Variants in CCSER1 observed in about 807,000 individuals in gnomAD.
CCSER1 encodes serine-rich coiled-coil domain-containing protein 1.
A neutral mutation model predicts 82.0 loss-of-function variants in CCSER1; 41 were observed. The ratio of observed to expected loss-of-function variants is 0.50; its 90% CI spans 0.39 to 0.65. The LOEUF (loss-of-function observed/expected upper bound fraction) is 0.65, where lower values mean the gene tolerates loss of function less well. Among genes scored for constraint, CCSER1 ranks in the 30% least tolerant of loss-of-function variants. CCSER1 has a pLI of 0.00. For synonymous variants in CCSER1, 414 were observed against 383.9 expected (o/e 1.08, Z -0.92); for missense variants, 1,119 against 1,064.2 (o/e 1.05, Z -0.72).
At chr4:91,248,118 A>G (rs757342295) in intron 10 of CCSER1, among the ~76,000 whole-genome samples, 3 of 152,230 alleles carry the variant, frequency 2.0e-5, no homozygotes, top group African/African-American at 7.2e-5. Flanking sequence ...GTTCAATGCT[A>G]GAACAATTTA....
chr4:91,363,357 TTGTGTGTGTGTG>T (rs201687094), intron 10 of CCSER1, among the ~76,000 whole-genome samples: 8 of 139,548 alleles, frequency 5.7e-5, no homozygotes, highest in Non-Finnish European at 1.2e-4. Flanking sequence ...TGGAGATATT[TTGTGTGTGTGTG>T]TGTGTGTGTG....
intron 1 of CCSER1, among the ~76,000 whole-genome samples, chr4:90,213,803 A>G (rs1407594097): frequency 3.3e-5 from 5 of 152,222 alleles, no homozygotes. Flanking sequence ...TATGAAGATC[A>G]TTCATTACTT....
chr4:91,082,050 G>C (rs1053837577), intron 9 of CCSER1, among the ~76,000 whole-genome samples: 3 of 152,044 alleles, frequency 2.0e-5, no homozygotes, highest in Non-Finnish European at 4.4e-5. Context: ...CTTCACAGAA[G>C]TGGAAAAAAA....
intron 5 of CCSER1, among the ~76,000 whole-genome samples, chr4:90,580,107 A>G (rs1781261302): frequency 6.6e-6 from 1 of 152,198 alleles, no homozygotes; most frequent in African/African-American, 2.4e-5. Context: ...TGAATGATAA[A>G]CAGGAGAGGC....
chr4:91,395,154 A>C (rs563210820), intron 10 of CCSER1, among the ~76,000 whole-genome samples: 2 of 152,066 alleles, frequency 1.3e-5, no homozygotes, highest in Non-Finnish European at 2.9e-5. Flanking sequence ...TTGTCTGATC[A>C]GTAAAGCTTT....
chr4:91,105,234 C>T (rs760998616), intron 10 of CCSER1, among the ~76,000 whole-genome samples: 9 of 151,508 alleles, frequency 5.9e-5, no homozygotes, highest in East Asian at 1.9e-4. Flanking sequence ...AGGGCTTTAC[C>T]GTATAAATTA....
intron 1 of CCSER1, among the ~76,000 whole-genome samples, chr4:90,163,753 C>T (rs1310299775): frequency 6.6e-6 from 1 of 151,958 alleles, no homozygotes; most frequent in African/African-American, 2.4e-5. Flanking sequence ...AATGCTCTAA[C>T]TTTTTCCAGA....
chr4:91,244,570 T>C (rs544886039), intron 10 of CCSER1, among the ~76,000 whole-genome samples: 2 of 152,356 alleles, frequency 1.3e-5, no homozygotes, highest in African/African-American at 2.4e-5. Context: ...ATCTTATCCA[T>C]GTCCACCAAG....
chr4:90,209,325 T>C (rs1739506795), intron 1 of CCSER1, among the ~76,000 whole-genome samples: 1 of 152,210 alleles, frequency 6.6e-6, no homozygotes, highest in African/African-American at 2.4e-5. Context: ...TGGAGCATTC[T>C]GTGTACTACT....
chr4:91,255,689 ATTAATACT>A lies in CCSER1; in HGVS notation c.2217+169698_2217+169705del, dbSNP rs569590057. Among the ~76,000 whole-genome samples the A allele has an allele frequency of 3.9e-5, 6 of 152,320 alleles. 1 individual carries two copies. The South Asian group carries it at 1.2e-3, about 32-fold the overall frequency. ...TCATGGACATTTGTTAGTTCTCCAA[ATTAATACT>A]TTTATAATTTCTTATGCCTGTCTTT... On this transcript the variant is annotated intron_variant, in intron 10 of 10. Coordinates refer to ENST00000509176, the MANE Select transcript of CCSER1 (RefSeq NM_001145065.2).
intron 8 of CCSER1, among the ~76,000 whole-genome samples, chr4:90,837,552 AC>A (rs757170989): frequency 1.3e-5 from 2 of 152,326 alleles, no homozygotes; most frequent in Admixed American, 6.5e-5. Flanking sequence ...TTTTTGAAGT[AC>A]TTAGTACGAT....
intron 5 of CCSER1, among the ~76,000 whole-genome samples, chr4:90,626,952 A>G (rs17017312): frequency 0.029 from 4,353 of 152,258 alleles, 202 homozygotes; most frequent in African/African-American, 0.1. Flanking sequence ...TTTAACTCCA[A>G]GAAAAGTTAC....
At chr4:90,861,582 A>C (rs1765090919) in intron 8 of CCSER1, among the ~76,000 whole-genome samples, 1 of 151,750 alleles carries the variant, frequency 6.6e-6, no homozygotes, top group Non-Finnish European at 1.5e-5. Flanking sequence ...GCTTTTAACG[A>C]ATTAGTAACT....
At chr4:91,066,706 G>C (rs1257417912) in intron 9 of CCSER1, among the ~76,000 whole-genome samples, 1 of 152,050 alleles carries the variant, frequency 6.6e-6, no homozygotes, top group East Asian at 1.9e-4. Flanking sequence ...CTATCTCTAG[G>C]TTTCAGTTTT....
chr4:91,520,673 A>G (rs1760410509), intron 10 of CCSER1, among the ~76,000 whole-genome samples: 1 of 152,146 alleles, frequency 6.6e-6, no homozygotes, highest in African/African-American at 2.4e-5. Context: ...TTTTCAGCTT[A>G]ATGACTCCAT....
At chr4:90,168,368 G>T (rs1185411854) in intron 1 of CCSER1, among the ~76,000 whole-genome samples, 1 of 152,048 alleles carries the variant, frequency 6.6e-6, no homozygotes, top group African/African-American at 2.4e-5. Flanking sequence ...GTAGATTCTG[G>T]ATATTAGCCC....
Position 90,440,837 on chromosome 4 carries a change from G to T in CCSER1, c.1604-27397G>T, listed in dbSNP as rs138461025. On this transcript the variant is annotated intron_variant, in intron 4 of 10. Transcript: ENST00000509176. Reference sequence around the variant, plus strand: ...GAGCTTCAGAAAGTCTTAAATAATCGCTCTTAGCTCATAACAAGACCAGGG... The same window carrying T: ...GAGCTTCAGAAAGTCTTAAATAATCTCTCTTAGCTCATAACAAGACCAGGG... Among the ~76,000 whole-genome samples, 442 of 151,950 alleles carry T rather than the reference G, an allele frequency of 2.9e-3. 6 individuals are homozygous for T. The highest frequency in any genetic ancestry group is 0.01 in the African/African-American group (426 of 41,440).
intron 6 of CCSER1, among the ~76,000 whole-genome samples, chr4:90,694,794 T>TA (rs1299499785): frequency 1.8e-5 from 2 of 109,762 alleles, no homozygotes; most frequent in Admixed American, 1.9e-4. Flanking sequence ...GATGTGTGTG[T>TA]GGGGTGTGTG....
chr4:90,218,739 G>A (rs989366286), intron 1 of CCSER1, among the ~76,000 whole-genome samples: 1 of 152,122 alleles, frequency 6.6e-6, no homozygotes, highest in African/African-American at 2.4e-5. Flanking sequence ...AAAAAGATTA[G>A]GCCAGGTGTG....
Sources: gnomAD v4.1 joint callset for allele counts (sites outside exome capture counted in the v4.1 genomes callset) on GRCh38, gnomAD v4.1.1 for gene constraint, MANE v1.5 for transcripts, NCBI Gene and HGNC (gene_info 2026-07-23, HGNC 2026-07-21) for gene names.